STPG4: variants seen among roughly 807,000 people sequenced by gnomAD.
STPG4 encodes sperm-tail PG-rich repeat containing 4.
A neutral mutation model predicts 31.5 loss-of-function variants in STPG4; 41 were observed. The observed-to-expected ratio is 1.30, with a 90% CI of 1.01 to 1.69. STPG4 has a LOEUF of 1.69. Ranked by LOEUF, STPG4 falls within the 40% of genes most tolerant of loss-of-function variation. The pLI, the probability that STPG4 is intolerant of heterozygous loss-of-function variation, is 0.00. For missense variants in STPG4, 375 were observed against 293.4 expected (o/e 1.28, Z -2.03); for synonymous variants, 141 against 103.0 (o/e 1.37, Z -2.24).
intron 5 of STPG4, among the ~76,000 whole-genome samples, chr2:47,102,371 A>G (rs918838696): frequency 6.6e-6 from 1 of 151,878 alleles, no homozygotes; most frequent in African/African-American, 2.4e-5. Context: ...TTTGACCCAT[A>G]AACCCTGAAA....
intron 5 of STPG4, among the ~76,000 whole-genome samples, chr2:47,109,526 C>T (rs1415574444): frequency 6.7e-6 from 1 of 148,754 alleles, no homozygotes; most frequent in Non-Finnish European, 1.5e-5. Flanking sequence ...CACTGGACTC[C>T]AGCCTGGGTG....
intron 5 of STPG4, among the ~76,000 whole-genome samples, chr2:47,094,042 A>T (rs1685624222): frequency 6.6e-6 from 1 of 152,216 alleles, no homozygotes; most frequent in South Asian, 2.1e-4. Flanking sequence ...CATTTGAACC[A>T]TGTTCTCCTC....
intron 6 of STPG4, among the ~76,000 whole-genome samples, chr2:47,089,119 T>A (rs1685517771): frequency 6.6e-6 from 1 of 152,212 alleles, no homozygotes. Flanking sequence ...GTATGGTGAA[T>A]GCTTAGAAGT....
At chr2:47,129,752 G>A (rs951205825) in intron 5 of STPG4, 189 bp downstream of exon 5, 10 of 618,666 alleles carry the variant, frequency 1.6e-5, no homozygotes, top group African/African-American at 3.7e-5. Context: ...CTGGTATTGC[G>A]ATCCCACACT....
rs1686311222 is a variant in STPG4 at position 47,123,392 on chromosome 2, T to G, written c.519+6549A>C. On this transcript the variant is annotated intron_variant, in intron 5 of 6. Transcript: ENST00000445927. Reference sequence around the variant, plus strand: ...CACCAAATACTATGTGCCAGTCACTTGCCTAGGTGCTAGGTATACAGGAAA... The same window carrying G: ...CACCAAATACTATGTGCCAGTCACTGGCCTAGGTGCTAGGTATACAGGAAA... Among the ~76,000 whole-genome samples the G allele has an allele frequency of 2.0e-5, 3 of 152,342 alleles. No homozygotes were observed. The South Asian group carries it at 6.2e-4, about 32-fold the overall frequency.
chr2:47,088,005 C>T lies in STPG4; in HGVS notation c.625-875G>A, dbSNP rs557745680. Among the ~76,000 whole-genome samples, 18 of 152,186 alleles carry T rather than the reference C, an allele frequency of 1.2e-4. No individual in the cohort carries two copies. The South Asian group carries it at 1.7e-3, about 14-fold the overall frequency. ...CCTGATCTCGTGATCCGCCCACCTC[C>T]GCCTCCTGAAGTGTTGGGATTACAG... On this transcript the variant is annotated intron_variant, in intron 6 of 6. Coordinates refer to ENST00000445927, the MANE Select transcript of STPG4 (RefSeq NM_001163561.2).
chr2:47,110,892 A>G (rs1456082867), intron 5 of STPG4, among the ~76,000 whole-genome samples: 1 of 152,230 alleles, frequency 6.6e-6, no homozygotes, highest in Non-Finnish European at 1.5e-5. Flanking sequence ...TTCTTTTAAA[A>G]TGATTTCCCC....
At chr2:47,124,928 A>G (rs999530083) in intron 5 of STPG4, among the ~76,000 whole-genome samples, 1 of 152,172 alleles carries the variant, frequency 6.6e-6, no homozygotes, top group African/African-American at 2.4e-5. Flanking sequence ...CCTCGCCAGC[A>G]TTCACTATTG....
chr2:47,130,590 G>A lies in STPG4; in HGVS notation c.400-330C>T, dbSNP rs186420148. Among the ~76,000 whole-genome samples, 1,153 of 151,830 alleles carry A rather than the reference G, an allele frequency of 7.6e-3. 19 individuals are homozygous for A. The highest frequency in any genetic ancestry group is 0.026 in the African/African-American group (1,080 of 41,404). On this transcript the variant is annotated intron_variant, in intron 3 of 6. Transcript: ENST00000445927. ...GAGTGCAGTGGCGTGATTTCCGCTCGCTGCAGCCTCCGCCTCCCCAGTTCA... is the reference window on the plus strand; with the variant it reads ...GAGTGCAGTGGCGTGATTTCCGCTCACTGCAGCCTCCGCCTCCCCAGTTCA...
intron 6 of STPG4, among the ~76,000 whole-genome samples, chr2:47,087,647 C>A (rs1285432930): frequency 6.6e-6 from 1 of 152,214 alleles, no homozygotes; most frequent in African/African-American, 2.4e-5. Context: ...CAACCAGGGT[C>A]CATGGACCCC....
At chr2:47,140,745 G>A (rs893008890) in intron 3 of STPG4, among the ~76,000 whole-genome samples, 14 of 152,162 alleles carry the variant, frequency 9.2e-5, no homozygotes, top group Non-Finnish European at 1.9e-4. Flanking sequence ...GGAAGTCAGC[G>A]TGACACCATT....
chr2:47,100,157 C>T (rs151028455), intron 5 of STPG4, among the ~76,000 whole-genome samples: 65,034 of 151,936 alleles, frequency 0.43, 15,892 homozygotes, highest in East Asian at 0.78. Context: ...CACCTGCAGC[C>T]CTGGTGTGGG....
Position 47,148,838 on chromosome 2 carries a change from T to G in STPG4, c.399+2420A>C, listed in dbSNP as rs181833582. Among the ~76,000 whole-genome samples the G allele has an allele frequency of 3.3e-3, 506 of 152,330 alleles. 3 individuals are homozygous for G. The highest frequency in any genetic ancestry group is 5.3e-3 in the Non-Finnish European group (363 of 68,024). The stretch of plus-strand genomic sequence containing the variant: ...GAATGATGGTTTCCAGCTTCATCCA[T>G]GTCCCTACAAAAGACATGAACTCAT... On this transcript the variant is annotated intron_variant, in intron 3 of 6. Coordinates refer to ENST00000445927, the MANE Select transcript of STPG4 (RefSeq NM_001163561.2).
intron 5 of STPG4, among the ~76,000 whole-genome samples, chr2:47,097,175 T>A (rs138319787): frequency 9.2e-5 from 14 of 152,324 alleles, no homozygotes; most frequent in African/African-American, 1.9e-4. Flanking sequence ...AATTTTAAGT[T>A]GTTAAGACAA....
At chr2:47,131,879 TA>T (rs1293407470) in intron 3 of STPG4, among the ~76,000 whole-genome samples, 1 of 152,102 alleles carries the variant, frequency 6.6e-6, no homozygotes, top group Non-Finnish European at 1.5e-5. Context: ...AGGAACTGGT[TA>T]AAATAGACAG....
intron 5 of STPG4, among the ~76,000 whole-genome samples, chr2:47,113,380 A>G (rs933477026): frequency 3.9e-5 from 6 of 152,240 alleles, no homozygotes; most frequent in Non-Finnish European, 5.9e-5. Context: ...AAAGAATACT[A>G]AAACTCCACC....
Position 47,104,256 on chromosome 2 carries a change from T to A in STPG4, c.520-13882A>T, listed in dbSNP as rs188247626. ...CCACTTTTCCTTATCAAAAGCAATA[T>A]CCCCTAAGGCATGAAGCTCATAAAG... On this transcript the variant is annotated intron_variant, in intron 5 of 6. Coordinates refer to ENST00000445927, the MANE Select transcript of STPG4 (RefSeq NM_001163561.2). Among the ~76,000 whole-genome samples the A allele has an allele frequency of 7.9e-5, 12 of 151,956 alleles. No individual in the cohort carries two copies. In the East Asian group the frequency reaches 2.3e-3, roughly 29 times the overall value.
chr2:47,114,198 C>G (rs932079991), intron 5 of STPG4, among the ~76,000 whole-genome samples: 3 of 151,266 alleles, frequency 2.0e-5, no homozygotes, highest in Non-Finnish European at 4.4e-5. Context: ...TAGCAAGACC[C>G]CATTTTCAAA....
intron 5 of STPG4, among the ~76,000 whole-genome samples, chr2:47,110,410 A>G (rs889060889): frequency 3.3e-5 from 5 of 152,224 alleles, no homozygotes; most frequent in African/African-American, 1.2e-4. Flanking sequence ...CCTGGCCAGC[A>G]TGGCAAAACC....
Sources: allele counts gnomAD v4.1 joint callset (sites outside exome capture counted in the v4.1 genomes callset), GRCh38; gene constraint gnomAD v4.1.1; transcripts MANE v1.5; gene names NCBI Gene and HGNC (gene_info 2026-07-23, HGNC 2026-07-21).